The following ATP2B2 variants were observed in gnomAD, a reference collection of about 807,000 sequenced individuals.
ATP2B2 encodes plasma membrane calcium-transporting ATPase 2.
In ATP2B2, 15 loss-of-function variants were observed where a neutral mutation model predicts 120.0. That is an observed-to-expected ratio of 0.12 (90% CI 0.08 to 0.19). The LOEUF (loss-of-function observed/expected upper bound fraction) is 0.19, where lower values mean the gene tolerates loss of function less well. ATP2B2 is among the 10% of genes least tolerant of loss of function. The pLI is 1.00. For synonymous variants in ATP2B2, 694 were observed against 700.3 expected (o/e 0.99, Z 0.14); for missense variants, 1,045 against 1,719.8 (o/e 0.61, Z 6.94).
intron 1 of ATP2B2, among the ~76,000 whole-genome samples, chr3:10,622,673 AC>A (rs1219949962): frequency 6.6e-6 from 1 of 152,134 alleles, no homozygotes; most frequent in Non-Finnish European, 1.5e-5. Flanking sequence ...CGCACTTCTC[AC>A]CCTGGATCCT....
intron 1 of ATP2B2, among the ~76,000 whole-genome samples, chr3:10,694,252 CACT>C (rs1559525159): frequency 1.3e-5 from 2 of 152,190 alleles, no homozygotes; most frequent in African/African-American, 4.8e-5. Context: ...TAACCACCAC[CACT>C]ATCAAGGTAC....
At chr3:10,333,537 A>C (rs1242831616) in intron 22 of ATP2B2, among the ~76,000 whole-genome samples, 1 of 152,038 alleles carries the variant, frequency 6.6e-6, no homozygotes, top group Admixed American at 6.5e-5. Context: ...CAAGCAAAGG[A>C]GGCACGAGGC....
At chr3:10,436,011 T>C (rs1455424967) in intron 2 of ATP2B2, among the ~76,000 whole-genome samples, 1 of 152,170 alleles carries the variant, frequency 6.6e-6, no homozygotes, top group Non-Finnish European at 1.5e-5. Flanking sequence ...TGACGATCAG[T>C]CAAAGTGTCC....
chr3:10,409,558 G>C (rs973955396), intron 3 of ATP2B2, among the ~76,000 whole-genome samples: 1 of 152,054 alleles, frequency 6.6e-6, no homozygotes, highest in East Asian at 1.9e-4. Context: ...CTGTTTGACC[G>C]CATCCTGTGA....
intron 1 of ATP2B2, among the ~76,000 whole-genome samples, chr3:10,696,307 T>A (rs1378444389): frequency 6.6e-6 from 1 of 152,152 alleles, no homozygotes; most frequent in Non-Finnish European, 1.5e-5. Context: ...CCTGCAAACT[T>A]TGGGGAAATT....
intron 3 of ATP2B2, among the ~76,000 whole-genome samples, chr3:10,520,732 AG>A (rs1270977490): frequency 6.7e-6 from 1 of 150,168 alleles, no homozygotes; most frequent in East Asian, 2.0e-4. Context: ...CTAGGATTAC[AG>A]GCGTGAGCCA....
chr3:10,632,677 AC>A (rs1434822499), intron 1 of ATP2B2, among the ~76,000 whole-genome samples: 4 of 152,082 alleles, frequency 2.6e-5, no homozygotes, highest in Non-Finnish European at 5.9e-5. Flanking sequence ...CCTTTCCCCT[AC>A]CCTGGGTCTT....
chr3:10,386,360 G>A, intron 7 of ATP2B2, 120 bp downstream of exon 7: 1 of 1,150,078 alleles, frequency 8.7e-7, no homozygotes, highest in Non-Finnish European at 1.3e-6. Context: ...GGGGGGTGGA[G>A]CCACCCACAG....
In ATP2B2 at chr3:10,443,019, C is replaced by T. The variant is rs1177285328; in HGVS notation, c.199+6326G>A. 2.6e-5 allele frequency among the ~76,000 whole-genome samples: 4 copies of T among 152,194 alleles called. No homozygotes were observed. In the East Asian group the frequency reaches 7.7e-4, roughly 29 times the overall value. ...ACCATGATACCAAGTTGGCCTCTTC[C>T]CCACTGTGACACTAGTCATAGACCC... On this transcript the variant is annotated intron_variant, in intron 2 of 22. Transcript: ENST00000360273.
chr3:10,541,091 G>T (rs2067429206), intron 2 of ATP2B2, among the ~76,000 whole-genome samples: 1 of 151,732 alleles, frequency 6.6e-6, no homozygotes, highest in African/African-American at 2.4e-5. Context: ...ATGTCTGTGG[G>T]GTCTGTAGCG....
intron 12 of ATP2B2, among the ~76,000 whole-genome samples, chr3:10,360,518 T>G (rs764565745): frequency 5.3e-5 from 8 of 152,242 alleles, no homozygotes; most frequent in Non-Finnish European, 8.8e-5. Context: ...TCTCCCCATC[T>G]GCATAATTCA....
At chr3:10,623,992 T>C (rs2069622865) in intron 1 of ATP2B2, among the ~76,000 whole-genome samples, 1 of 152,182 alleles carries the variant, frequency 6.6e-6, no homozygotes, top group South Asian at 2.1e-4. Context: ...AGGGTTGGAC[T>C]AGCTTAGGGT....
intron 1 of ATP2B2, among the ~76,000 whole-genome samples, chr3:10,668,236 C>T (rs1362399534): frequency 2.6e-5 from 4 of 152,362 alleles, no homozygotes; most frequent in South Asian, 2.1e-4. Context: ...TAAACTTGAA[C>T]TATAGGTCTC....
At chr3:10,426,155 A>C (rs1019052695) in intron 2 of ATP2B2, among the ~76,000 whole-genome samples, 1 of 151,622 alleles carries the variant, frequency 6.6e-6, no homozygotes, top group African/African-American at 2.4e-5. Context: ...CTAATTCAGC[A>C]CTTCTTTTGG....
At chr3:10,648,679 CT>C (rs2070380425) in intron 1 of ATP2B2, among the ~76,000 whole-genome samples, 1 of 152,216 alleles carries the variant, frequency 6.6e-6, no homozygotes. Context: ...GAAAGTACCA[CT>C]TTCCATCCCA....
chr3:10,344,219 C>T lies in ATP2B2; in HGVS notation c.2703+1165G>A, dbSNP rs190075510. On this transcript the variant is annotated intron_variant, in intron 18 of 22. Transcript: ENST00000360273. The stretch of plus-strand genomic sequence containing the variant: ...CCTCGCCACCAACTCAATCAAAGAC[C>T]TCAGGCAAACTGATAGTGGTCTCAG... Among the ~76,000 whole-genome samples the T allele has an allele frequency of 3.3e-4, 50 of 152,258 alleles. No individual in the cohort carries two copies. The East Asian group carries it at 8.5e-3, about 26-fold the overall frequency.
chr3:10,529,591 A>G (rs73026874), intron 3 of ATP2B2, among the ~76,000 whole-genome samples: 4,546 of 152,246 alleles, frequency 0.03, 165 homozygotes, highest in East Asian at 0.2. Context: ...TCTATTTGGG[A>G]ACTTAAATAT....
intron 1 of ATP2B2, among the ~76,000 whole-genome samples, chr3:10,703,589 A>G (rs2071852203): frequency 6.6e-6 from 1 of 152,178 alleles, no homozygotes; most frequent in Non-Finnish European, 1.5e-5. Context: ...GGATCAGCAC[A>G]CACCTTTTAG....
rs544983085 is a variant in ATP2B2, at chr3:10,457,697, T to C, written c.-319-7835A>G. Among the ~76,000 whole-genome samples, 17 of 152,122 alleles carry C rather than the reference T, an allele frequency of 1.1e-4. No homozygotes were observed. The East Asian group carries it at 3.3e-3, about 29-fold the overall frequency. On this transcript the variant is annotated intron_variant, in intron 1 of 22. Coordinates refer to ENST00000360273, the MANE Select transcript of ATP2B2 (RefSeq NM_001001331.4). ...AAGACAATCTCACAAACTCTCACAG[T>C]TGAGAAGAGAGAACAGGGAAAGAGG...
Sources: allele counts gnomAD v4.1 joint callset (sites outside exome capture counted in the v4.1 genomes callset), GRCh38; gene constraint gnomAD v4.1.1; transcripts MANE v1.5; gene names NCBI Gene and HGNC (gene_info 2026-07-23, HGNC 2026-07-21).